RPS9: variants seen among roughly 807,000 people sequenced by gnomAD.
The protein encoded by RPS9 is small ribosomal subunit protein uS4.
RPS9 carries 1 observed loss-of-function variant against 16.9 expected under a neutral mutation model. The ratio of observed to expected loss-of-function variants is 0.06; its 90% CI spans 0.02 to 0.28. The LOEUF (loss-of-function observed/expected upper bound fraction) is 0.28, where lower values mean the gene tolerates loss of function less well. Among genes scored for constraint, RPS9 ranks in the 10% least tolerant of loss-of-function variants. The pLI, the probability that RPS9 is intolerant of heterozygous loss-of-function variation, is 1.00. For missense variants in RPS9, 137 were observed against 273.2 expected (o/e 0.50, Z 3.51); for synonymous variants, 106 against 110.9 (o/e 0.96, Z 0.28).
At chr19:54,206,200 G>A (rs2077235350) in intron 3 of RPS9, 76 bp from the exon 4 acceptor site, 1 of 1,463,152 alleles carries the variant, frequency 6.8e-7, no homozygotes, top group Non-Finnish European at 9.3e-7. Flanking sequence ...GAGCTACCAA[G>A]AGGCGGAGCC....
chr19:54,202,856 G>A (rs2077107451), intron 3 of RPS9: 1 of 985,336 alleles, frequency 1.0e-6, no homozygotes, highest in Non-Finnish European at 1.2e-6. Context: ...CAGGCTTGCA[G>A]ATGTTAGAAG....
In RPS9 at chr19:54,202,215, C is replaced by T. The variant is rs182442738; in HGVS notation, c.220+606C>T. Among the ~76,000 whole-genome samples, 6 of 151,862 alleles carry T rather than the reference C, an allele frequency of 4.0e-5. 1 individual carries two copies. In the South Asian group the frequency reaches 6.5e-4, roughly 16 times the overall value. On this transcript the variant is annotated intron_variant, in intron 3 of 4. Transcript: ENST00000302907. ...TAATTTTACTTTTGAGACGGAGTCT[C>T]GCTCCATTGCCCATGCTGGAGTGTA...
intron 4 of RPS9, chr19:54,206,799 C>T: frequency 7.5e-7 from 1 of 1,325,498 alleles, no homozygotes; most frequent in Non-Finnish European, 1.0e-6. Flanking sequence ...TCAGCTGTCT[C>T]CTGGCCCGCT....
chr19:54,201,894 A>G (rs927938132), intron 3 of RPS9: 3 of 473,654 alleles, frequency 6.3e-6, no homozygotes, highest in Non-Finnish European at 1.1e-5. Context: ...ATATCTTTAT[A>G]TTCTGTTTAT....
chr19:54,205,272 A>G (rs972504456), intron 3 of RPS9, among the ~76,000 whole-genome samples: 1 of 152,020 alleles, frequency 6.6e-6, no homozygotes, highest in African/African-American at 2.4e-5. Flanking sequence ...AGGGCAGTCC[A>G]GAGTATTAGC....
At chr19:54,201,432 T>C (rs973308725) in intron 2 of RPS9, 55 bp from the exon 3 acceptor site, 11 of 1,611,874 alleles carry the variant, frequency 6.8e-6, no homozygotes, top group Non-Finnish European at 7.6e-6. Context: ...GCTGCCAGTC[T>C]AGTTGTTGTG....
In RPS9 at chr19:54,201,156, G is replaced by T. The variant is rs774520506; in HGVS notation, c.-25-4G>T. 6.2e-7 allele frequency: 1 copy of T among 1,612,804 alleles called. No individual in the cohort carries two copies. Among genetic ancestry groups the T allele is most frequent in the Non-Finnish European group, 8.5e-7 (1 of 1,179,914 alleles). On this transcript the variant is annotated splice_region_variant and splice_polypyrimidine_tract_variant and intron_variant, in intron 1 of 4. Transcript: ENST00000302907. Reference sequence around the variant, plus strand: ...CCTTACGCTCACACTTCTCTCCCGCGCAGGCGCAGACGGGGAAGCGGAGCC... The same window carrying T: ...CCTTACGCTCACACTTCTCTCCCGCTCAGGCGCAGACGGGGAAGCGGAGCC...
chr19:54,201,326 CGGTTA>C (rs1423303170), intron 2 of RPS9, 45 bp downstream of exon 2: 6 of 1,613,150 alleles, frequency 3.7e-6, no homozygotes, highest in Non-Finnish European at 2.5e-6. Context: ...TTCCGGGAGG[CGGTTA>C]GCACGTGGAT....
intron 1 of RPS9, 102 bp downstream of exon 1, chr19:54,200,990 AG>A: frequency 6.9e-7 from 1 of 1,439,514 alleles, no homozygotes; most frequent in Non-Finnish European, 9.1e-7. Context: ...GAAACAGAGC[AG>A]GGTGGTTGAA....
rs753366209 is a variant in RPS9, at chr19:54,207,554, AGAC to A, written c.570_572del (p.Asp190del). ...AGGGCCAGGGTGGGGCTGGGGCTGG[AGAC>A]GACGAGGAGGAGGATTAAGTCCACC... On this transcript the variant is annotated inframe_deletion, in exon 5 of 5. Coordinates refer to ENST00000302907, the MANE Select transcript of RPS9 (RefSeq NM_001013.4). The A allele has an allele frequency of 2.5e-6, 4 of 1,611,184 alleles. No individual in the cohort carries two copies. Among genetic ancestry groups the A allele is most frequent in the African/African-American group, 2.7e-5 (2 of 74,862 alleles).
chr19:54,206,164 T>C (rs1441543383), intron 3 of RPS9, 112 bp from the exon 4 acceptor site: 2 of 1,035,254 alleles, frequency 1.9e-6, no homozygotes, highest in Non-Finnish European at 2.8e-6. Flanking sequence ...GGCGCTGTAC[T>C]ACTTGTGCCT....
At chr19:54,205,357 C>T (rs1416256581) in intron 3 of RPS9, among the ~76,000 whole-genome samples, 1 of 147,912 alleles carries the variant, frequency 6.8e-6, no homozygotes, top group Non-Finnish European at 1.5e-5. Flanking sequence ...TGTAGTAGGG[C>T]ATCTGTTGGA....
chr19:54,201,371 T>C, intron 2 of RPS9, 90 bp downstream of exon 2: 1 of 1,606,944 alleles, frequency 6.2e-7, no homozygotes, highest in Non-Finnish European at 8.5e-7. Context: ...ATCTAGTCCG[T>C]CCCCTAAATT....
At chr19:54,202,775 G>A (rs1469706788) in intron 3 of RPS9, 1 of 985,328 alleles carries the variant, frequency 1.0e-6, no homozygotes, top group Non-Finnish European at 1.2e-6. Flanking sequence ...TTAGGCATGA[G>A]AGTGGTCATC....
chr19:54,206,688 G>A, intron 4 of RPS9: 2 of 1,527,676 alleles, frequency 1.3e-6, no homozygotes, highest in South Asian at 1.2e-5. Flanking sequence ...CGTACACCTT[G>A]TGAAGGCCTC....
intron 4 of RPS9, chr19:54,207,131 C>CA: frequency 4.0e-6 from 2 of 505,648 alleles, no homozygotes; most frequent in Non-Finnish European, 7.0e-6. Flanking sequence ...ATGGCCATCT[C>CA]ATTTGCTTTG....
intron 4 of RPS9, chr19:54,207,095 C>G: frequency 2.1e-6 from 1 of 469,800 alleles, no homozygotes; most frequent in Non-Finnish European, 3.8e-6. Context: ...CACGATATTT[C>G]AGACTCGGAA....
chr19:54,205,351 G>A (rs1382770542), intron 3 of RPS9, among the ~76,000 whole-genome samples: 1 of 130,808 alleles, frequency 7.6e-6, no homozygotes, highest in African/African-American at 2.5e-5. Flanking sequence ...GAAAGGTGTA[G>A]TAGGGCATCT....
Position 54,201,624 on chromosome 19 carries a change from C to G in RPS9, c.220+15C>G. ...TCTGTTCGAAGGTGCGTATGGGAGT[C>G]CACAGCAGAGGGATGGGGTGCAGGG... On this transcript the variant is annotated intron_variant, in intron 3 of 4. Transcript: ENST00000302907. The G allele has an allele frequency of 6.2e-7, 1 of 1,613,988 alleles. No individual in the cohort carries two copies. Among genetic ancestry groups the G allele is most frequent in the Middle Eastern group, 1.7e-4 (1 of 6,060 alleles).
Sources: allele counts gnomAD v4.1 joint callset (sites outside exome capture counted in the v4.1 genomes callset), GRCh38; gene constraint gnomAD v4.1.1; transcripts MANE v1.5; gene names NCBI Gene and HGNC (gene_info 2026-07-23, HGNC 2026-07-21).